GNAL: variants seen among roughly 807,000 people sequenced by gnomAD.
The protein encoded by GNAL is guanine nucleotide-binding protein G(olf) subunit alpha.
GNAL carries 18 observed loss-of-function variants against 55.1 expected under a neutral mutation model. That is an observed-to-expected ratio of 0.33 (90% CI 0.23 to 0.48). The LOEUF (loss-of-function observed/expected upper bound fraction) is 0.48, where lower values mean the gene tolerates loss of function less well. Among genes scored for constraint, GNAL ranks in the 20% least tolerant of loss-of-function variants. The pLI is 0.99. For missense variants in GNAL, 412 were observed against 614.1 expected, an observed-to-expected ratio of 0.67 and a Z score of 3.48; for synonymous variants, 253 against 237.0, an observed-to-expected ratio of 1.07 and a Z score of -0.62.
At position 11,703,558 on chromosome 18, in the gene GNAL, A is replaced by G. The variant is rs111870441; in HGVS notation, c.376+13619A>G. Among the ~76,000 whole-genome samples the G allele has an allele frequency of 7.8e-3, 1,189 of 152,316 alleles. 13 individuals carry two copies. Among genetic ancestry groups the G allele is most frequent in the African/African-American group, 0.027 (1,113 of 41,570 alleles). Reference sequence around the variant, plus strand: ...TACTTTGTTTTAGAATTGCTTTTTAATGTAACAGCCTTCTGAACATCAGCT... The same window carrying G: ...TACTTTGTTTTAGAATTGCTTTTTAGTGTAACAGCCTTCTGAACATCAGCT... On this transcript the variant is annotated intron_variant, in intron 1 of 11. Transcript: ENST00000334049.
At chr18:11,690,109 G>A (rs990190772) in intron 1 of GNAL, among the ~76,000 whole-genome samples, 170 bp downstream of exon 1, 7 of 149,718 alleles carry the variant, frequency 4.7e-5, no homozygotes, top group South Asian at 4.1e-4. Flanking sequence ...GCTACAGAGC[G>A]TTTAAACTGT....
Position 11,821,997 on chromosome 18 carries a change from G to A in GNAL, c.625-2921G>A, listed in dbSNP as rs567055872. ...CCTCCGTTTCACGGGTGCTAAGTAA[G>A]TCGAAAAGCAAGGGCATCTGATAGG... On this transcript the variant is annotated intron_variant, in intron 4 of 11. Transcript: ENST00000334049. Among the ~76,000 whole-genome samples, 3 of 152,372 alleles carry A rather than the reference G, an allele frequency of 2.0e-5. No individual in the cohort carries two copies. In the East Asian group the frequency reaches 5.8e-4, roughly 29 times the overall value.
intron 1 of GNAL, among the ~76,000 whole-genome samples, chr18:11,705,047 C>T (rs1452620740): frequency 6.6e-6 from 1 of 152,148 alleles, no homozygotes; most frequent in Non-Finnish European, 1.5e-5. Context: ...CGTTGTACAG[C>T]AGAGCTCTAC....
At chr18:11,832,318 G>C (rs1255625075) in intron 5 of GNAL, among the ~76,000 whole-genome samples, 1 of 152,114 alleles carries the variant, frequency 6.6e-6, no homozygotes, top group Non-Finnish European at 1.5e-5. Context: ...AATTCTCTAA[G>C]GAGAGACACT....
At chr18:11,700,724 A>G (rs2031546535) in intron 1 of GNAL, among the ~76,000 whole-genome samples, 1 of 152,256 alleles carries the variant, frequency 6.6e-6, no homozygotes, top group Non-Finnish European at 1.5e-5. Context: ...ATCCTAGCAG[A>G]AGAGCCTTGG....
chr18:11,706,267 A>G (rs2031708788), intron 1 of GNAL, among the ~76,000 whole-genome samples: 2 of 152,204 alleles, frequency 1.3e-5, no homozygotes, highest in South Asian at 2.1e-4. Context: ...CTCGGTGCAT[A>G]TAAAAGTTGT....
intron 5 of GNAL, among the ~76,000 whole-genome samples, chr18:11,840,244 C>T (rs2035584741): frequency 6.6e-6 from 1 of 152,198 alleles, no homozygotes; most frequent in South Asian, 2.1e-4. Context: ...ATGCAGTGCT[C>T]TGCATTATTT....
At chr18:11,847,014 T>A (rs1316601158) in intron 5 of GNAL, among the ~76,000 whole-genome samples, 7 of 151,374 alleles carry the variant, frequency 4.6e-5, no homozygotes, top group African/African-American at 1.7e-4. Flanking sequence ...TAAATTAATA[T>A]TATATATGTA....
intron 5 of GNAL, among the ~76,000 whole-genome samples, chr18:11,848,387 C>T (rs1394074597): frequency 6.6e-6 from 1 of 152,054 alleles, no homozygotes; most frequent in Non-Finnish European, 1.5e-5. Context: ...GTAGAGGTGT[C>T]ATCATCCAAG....
intron 5 of GNAL, among the ~76,000 whole-genome samples, chr18:11,842,353 G>A (rs779355629): frequency 6.6e-6 from 1 of 152,102 alleles, no homozygotes; most frequent in East Asian, 1.9e-4. Context: ...GACTGGTTTC[G>A]TGGAAAACTA....
chr18:11,849,435 G>A (rs573016481), intron 5 of GNAL, among the ~76,000 whole-genome samples: 1 of 151,210 alleles, frequency 6.6e-6, no homozygotes, highest in Non-Finnish European at 1.5e-5. Flanking sequence ...CCAGAAGGGG[G>A]AGGCTGCAGT....
At chr18:11,833,982 C>A (rs559720456) in intron 5 of GNAL, among the ~76,000 whole-genome samples, 76 of 152,192 alleles carry the variant, frequency 5.0e-4, no homozygotes, top group South Asian at 1.0e-3. Flanking sequence ...TGTGAGGCTC[C>A]CCGGGGTGCG....
chr18:11,727,289 C>G (rs2032235656), intron 1 of GNAL, among the ~76,000 whole-genome samples: 1 of 152,222 alleles, frequency 6.6e-6, no homozygotes. Context: ...GCCTGGGAGT[C>G]CCCACACTTT....
intron 5 of GNAL, among the ~76,000 whole-genome samples, chr18:11,855,960 G>A (rs988758414): frequency 6.7e-6 from 1 of 149,966 alleles, no homozygotes; most frequent in East Asian, 1.9e-4. Flanking sequence ...CAACAAGAGC[G>A]AAACTCCATC....
At chr18:11,761,343 C>G (rs551569976) in intron 4 of GNAL, among the ~76,000 whole-genome samples, 16 of 152,324 alleles carry the variant, frequency 1.1e-4, no homozygotes, top group Admixed American at 5.2e-4. Context: ...GCTCAGGAAT[C>G]CTCATCCCCA....
In GNAL at chr18:11,863,408, G is replaced by T. The variant is rs191875400; in HGVS notation, c.777+959G>T. On this transcript the variant is annotated intron_variant, in intron 6 of 11. Coordinates refer to ENST00000334049, the MANE Select transcript of GNAL (RefSeq NM_182978.4). ...AAGGCCTTGGCCCTGGGCCCCCAAG[G>T]TGGGAGGTCTGAGGCCTGAGCTTCT... Among the ~76,000 whole-genome samples the T allele has an allele frequency of 4.1e-3, 631 of 152,340 alleles. 5 individuals are homozygous for T. The highest frequency in any genetic ancestry group is 7.3e-3 in the Non-Finnish European group (498 of 68,030).
chr18:11,739,634 C>T (rs1353552814), intron 1 of GNAL, among the ~76,000 whole-genome samples: 1 of 151,894 alleles, frequency 6.6e-6, no homozygotes, highest in African/African-American at 2.4e-5. Context: ...ATACAGGTCC[C>T]TTTCCTTTTT....
At chr18:11,838,729 T>C (rs2035549583) in intron 5 of GNAL, among the ~76,000 whole-genome samples, 2 of 152,218 alleles carry the variant, frequency 1.3e-5, no homozygotes, top group South Asian at 4.1e-4. Context: ...GGATGCGGTA[T>C]GAGATCCATA....
chr18:11,861,158 C>T (rs541769974), intron 5 of GNAL, among the ~76,000 whole-genome samples: 1 of 152,288 alleles, frequency 6.6e-6, no homozygotes, highest in Admixed American at 6.5e-5. Flanking sequence ...AGGGAGCCAG[C>T]GCAGCCTCCA....
Sources: gnomAD v4.1 joint callset for allele counts (sites outside exome capture counted in the v4.1 genomes callset) on GRCh38, gnomAD v4.1.1 for gene constraint, MANE v1.5 for transcripts, NCBI Gene and HGNC (gene_info 2026-07-23, HGNC 2026-07-21) for gene names.